The following DLC1 variants were observed in gnomAD, a reference collection of about 807,000 sequenced individuals.
The protein encoded by DLC1 is DLC1 Rho GTPase activating protein, also known as rho GTPase-activating protein 7.
A neutral mutation model predicts 140.3 loss-of-function variants in DLC1; 54 were observed. The observed-to-expected ratio is 0.38, with a 90% CI of 0.31 to 0.48. The LOEUF (loss-of-function observed/expected upper bound fraction) is 0.48. DLC1 is among the 20% of genes least tolerant of loss of function. DLC1 has a pLI of 0.96. For synonymous variants in DLC1, 986 were observed against 728.1 expected (o/e 1.35, Z -5.70); for missense variants, 2,536 against 1,907.0 (o/e 1.33, Z -6.14).
At chr8:13,368,558 T>A (rs78478942) in intron 4 of DLC1, among the ~76,000 whole-genome samples, 1 of 151,950 alleles carries the variant, frequency 6.6e-6, no homozygotes, top group Non-Finnish European at 1.5e-5. Flanking sequence ...AAAAAAAAGT[T>A]CTTACAGAAT....
At chr8:13,568,071 C>CT (rs896778856) in intron 1 of DLC1, 989 of 1,123,914 alleles carry the variant, frequency 8.8e-4, no homozygotes, top group South Asian at 1.2e-3. Flanking sequence ...AGAACTTTCA[C>CT]TTTTTTTTTC....
intron 1 of DLC1, chr8:13,567,639 A>G (rs1209192597): frequency 1.3e-6 from 2 of 1,551,672 alleles, no homozygotes; most frequent in Admixed American, 3.9e-5. Context: ...CCTTTCTGAA[A>G]CAAAAGAAGA....
chr8:13,088,311 G>T (rs969908033), intron 16 of DLC1, among the ~76,000 whole-genome samples, 176 bp downstream of exon 16: 1 of 152,280 alleles, frequency 6.6e-6, no homozygotes, highest in South Asian at 2.1e-4. Flanking sequence ...TGAACTGCTG[G>T]CCTCAAGTGA....
intron 5 of DLC1, among the ~76,000 whole-genome samples, chr8:13,224,183 A>G (rs1041417145): frequency 2.0e-5 from 3 of 152,218 alleles, no homozygotes; most frequent in African/African-American, 7.2e-5. Flanking sequence ...TACCCACATG[A>G]GGCTACTGAA....
intron 5 of DLC1, among the ~76,000 whole-genome samples, chr8:13,303,291 G>T (rs978690862): frequency 2.0e-5 from 3 of 152,116 alleles, no homozygotes; most frequent in African/African-American, 7.2e-5. Context: ...CCTGGGGCCT[G>T]TGGAGATCAC....
At chr8:13,299,993 T>G (rs1385363040) in intron 5 of DLC1, among the ~76,000 whole-genome samples, 4 of 152,170 alleles carry the variant, frequency 2.6e-5, no homozygotes, top group African/African-American at 9.7e-5. Flanking sequence ...ATATGTTCAT[T>G]GCAGCACTAT....
chr8:13,405,282 C>A (rs1039138357), intron 2 of DLC1, among the ~76,000 whole-genome samples: 1 of 152,020 alleles, frequency 6.6e-6, no homozygotes, highest in Admixed American at 6.6e-5. Context: ...GTTTTTCAAC[C>A]CTTGCCTCCC....
Position 13,499,612 on chromosome 8 carries a change from T to A in DLC1, c.460A>T (p.Ile154Leu). 1.2e-6 allele frequency: 2 copies of A among 1,614,216 alleles called. No homozygotes were observed. Among genetic ancestry groups the A allele is most frequent in the Non-Finnish European group, 1.7e-6 (2 of 1,180,026 alleles). Residue 154 changes from isoleucine (I) to leucine (L), a missense_variant, in exon 2 of 18, where the codon ATA (isoleucine) becomes TTA (leucine). Coordinates refer to ENST00000276297, the MANE Select transcript of DLC1 (RefSeq NM_182643.3). ...AGSLEKALPI[I>L]QSNQVSSNSW... is the part of the protein sequence containing the mutation. ...TTAGAAGAAACTTGGTTACTTTGTA[T>A]GATGGGCAGTGCCTTTTCTAAGGAG...
chr8:13,520,514 C>G (rs1802731151), intron 1 of DLC1, among the ~76,000 whole-genome samples: 1 of 151,982 alleles, frequency 6.6e-6, no homozygotes, highest in South Asian at 2.1e-4. Context: ...GGAGAAATAC[C>G]TAACGTAGGT....
intron 2 of DLC1, among the ~76,000 whole-genome samples, chr8:13,446,450 A>G (rs1323944378): frequency 4.6e-5 from 7 of 152,154 alleles, no homozygotes; most frequent in Non-Finnish European, 2.9e-5. Flanking sequence ...TATTGCAGAC[A>G]TGGGCCTGGG....
At chr8:13,160,663 G>A (rs776880703) in intron 5 of DLC1, among the ~76,000 whole-genome samples, 11 of 152,324 alleles carry the variant, frequency 7.2e-5, no homozygotes, top group Non-Finnish European at 1.3e-4. Flanking sequence ...AAAGCTTCAT[G>A]CATCCTAGCT....
intron 5 of DLC1, among the ~76,000 whole-genome samples, chr8:13,174,011 C>T (rs1309793534): frequency 6.6e-6 from 1 of 152,072 alleles, no homozygotes; most frequent in Non-Finnish European, 1.5e-5. Flanking sequence ...CCTTGTTTCC[C>T]TCCTTCACTC....
chr8:13,495,971 T>C (rs1801481889), intron 2 of DLC1, among the ~76,000 whole-genome samples: 1 of 152,222 alleles, frequency 6.6e-6, no homozygotes. Context: ...TATCAGATAA[T>C]GAGCTGATTA....
At chr8:13,124,258 G>A (rs1821368650) in intron 5 of DLC1, among the ~76,000 whole-genome samples, 1 of 152,090 alleles carries the variant, frequency 6.6e-6, no homozygotes, top group African/African-American at 2.4e-5. Context: ...GGACAAGTGG[G>A]GTCTGCCTGG....
At chr8:13,307,293 C>T (rs1222758592) in intron 4 of DLC1, among the ~76,000 whole-genome samples, 1 of 152,124 alleles carries the variant, frequency 6.6e-6, no homozygotes, top group African/African-American at 2.4e-5. Flanking sequence ...GAGATCAGGG[C>T]TTCCAACAAA....
At chr8:13,316,309 G>A (rs1349727926) in intron 4 of DLC1, among the ~76,000 whole-genome samples, 1 of 152,038 alleles carries the variant, frequency 6.6e-6, no homozygotes, top group Non-Finnish European at 1.5e-5. Context: ...GGACAAACAG[G>A]TACAGCAGTT....
At chr8:13,213,622 C>T (rs1276439005) in intron 5 of DLC1, among the ~76,000 whole-genome samples, 1 of 152,152 alleles carries the variant, frequency 6.6e-6, no homozygotes, top group Non-Finnish European at 1.5e-5. Context: ...ATAGCAGCTT[C>T]CTTTTCCCTG....
At chr8:13,251,866 A>G (rs916847963) in intron 5 of DLC1, among the ~76,000 whole-genome samples, 3 of 152,206 alleles carry the variant, frequency 2.0e-5, no homozygotes, top group African/African-American at 7.2e-5. Flanking sequence ...TAGAGACAAC[A>G]TAGTTGGGTC....
At chr8:13,345,984 T>A (rs758755522) in intron 4 of DLC1, among the ~76,000 whole-genome samples, 9 of 152,258 alleles carry the variant, frequency 5.9e-5, no homozygotes, top group Non-Finnish European at 8.8e-5. Context: ...TAGAAAACTT[T>A]GTTACTGGAA....
Sources: gnomAD v4.1 joint callset for allele counts (sites outside exome capture counted in the v4.1 genomes callset) on GRCh38, gnomAD v4.1.1 for gene constraint, MANE v1.5 for transcripts, NCBI Gene and HGNC (gene_info 2026-07-23, HGNC 2026-07-21) for gene names.